CNTNAP2: variants seen among roughly 807,000 people sequenced by gnomAD.
The protein encoded by CNTNAP2 is contactin-associated protein-like 2.
CNTNAP2 carries 98 observed loss-of-function variants against 155.2 expected under a neutral mutation model. The ratio of observed to expected loss-of-function variants is 0.63; its 90% confidence interval spans 0.54 to 0.75. CNTNAP2 has a LOEUF of 0.75. CNTNAP2 is among the 30% of genes least tolerant of loss of function. CNTNAP2 has a pLI of 0.00. For missense variants in CNTNAP2, 1,727 were observed against 1,688.1 expected (o/e 1.02, Z -0.40); for synonymous variants, 651 against 631.2 (o/e 1.03, Z -0.47).
At chr7:148,106,771 T>C (rs1804232885) in intron 15 of CNTNAP2, among the ~76,000 whole-genome samples, 1 of 152,168 alleles carries the variant, frequency 6.6e-6, no homozygotes. Context: ...CTTTGTTTCT[T>C]GCTAAATCTT....
chr7:147,682,552 C>G (rs1380487713), intron 13 of CNTNAP2, among the ~76,000 whole-genome samples: 1 of 151,880 alleles, frequency 6.6e-6, no homozygotes, highest in African/African-American at 2.4e-5. Context: ...AAGCTATCAG[C>G]CACACCAAGT....
chr7:147,005,378 G>A (rs1287362800), intron 3 of CNTNAP2, among the ~76,000 whole-genome samples: 2 of 151,904 alleles, frequency 1.3e-5, no homozygotes, highest in Admixed American at 6.6e-5. Flanking sequence ...CAAAAGTATT[G>A]TAGAGAAGGA....
chr7:147,268,641 C>CTAGAACTGACAGCATTA (rs778967645), intron 8 of CNTNAP2, among the ~76,000 whole-genome samples: 171 of 152,094 alleles, frequency 1.1e-3, no homozygotes, highest in Non-Finnish European at 2.1e-3. Context: ...CACATGTATC[C>CTAGAACTGACAGCATTA]TAGAACTGAC....
At chr7:146,235,952 A>ATGTG (rs34046295) in intron 1 of CNTNAP2, among the ~76,000 whole-genome samples, 9,057 of 149,454 alleles carry the variant, frequency 0.061, 317 homozygotes, top group African/African-American at 0.073. Flanking sequence ...ACATATGGAA[A>ATGTG]TGTGTGTGTG....
Position 146,538,882 on chromosome 7 carries a change from T to C in CNTNAP2, c.98-235389T>C, listed in dbSNP as rs1406931344. On this transcript the variant is annotated intron_variant, in intron 1 of 23. Coordinates refer to ENST00000361727, the MANE Select transcript of CNTNAP2 (RefSeq NM_014141.6). The stretch of plus-strand genomic sequence containing the variant: ...ATTATAAAATGTAGAAAATCTAAGT[T>C]ATCAAAAGTCTGATCAGTTGTACAA... 7.2e-5 allele frequency among the ~76,000 whole-genome samples: 11 copies of C among 152,246 alleles called. No individual in the cohort carries two copies. In the East Asian group the frequency reaches 1.5e-3, roughly 21 times the overall value.
At chr7:147,463,866 C>T (rs12703913) in intron 10 of CNTNAP2, among the ~76,000 whole-genome samples, 118,260 of 150,850 alleles carry the variant, frequency 0.78, 46,601 homozygotes, top group African/African-American at 0.88. Context: ...GGATCAGCTA[C>T]AAAAGTAATG....
chr7:146,757,868 A>G (rs1204054395), intron 1 of CNTNAP2, among the ~76,000 whole-genome samples: 2 of 152,106 alleles, frequency 1.3e-5, no homozygotes, highest in African/African-American at 2.4e-5. Context: ...TGGCTATATG[A>G]ACTTCAGCAA....
intron 21 of CNTNAP2, among the ~76,000 whole-genome samples, chr7:148,271,209 C>A (rs12539824): frequency 0.36 from 54,137 of 152,070 alleles, 11,371 homozygotes; most frequent in East Asian, 0.6. Context: ...TTGTTACCCT[C>A]GTTGTATAGA....
At chr7:147,719,826 T>C (rs796475580) in intron 13 of CNTNAP2, among the ~76,000 whole-genome samples, 1 of 152,266 alleles carries the variant, frequency 6.6e-6, no homozygotes, top group South Asian at 2.1e-4. Context: ...TCCTCTGTAA[T>C]TGAAGCATCC....
chr7:147,072,853 T>C (rs1799922201), intron 4 of CNTNAP2, among the ~76,000 whole-genome samples: 2 of 25,242 alleles, frequency 7.9e-5, no homozygotes, highest in Non-Finnish European at 1.5e-4. Flanking sequence ...TTATTCTTTT[T>C]TTTTTTTTTT....
intron 15 of CNTNAP2, among the ~76,000 whole-genome samples, chr7:148,011,249 T>C (rs1368916582): frequency 6.6e-6 from 1 of 151,824 alleles, no homozygotes; most frequent in Non-Finnish European, 1.5e-5. Flanking sequence ...TTATGTCCAT[T>C]TATTTTTATC....
At chr7:148,374,545 G>C (rs768266915) in intron 21 of CNTNAP2, among the ~76,000 whole-genome samples, 1 of 152,130 alleles carries the variant, frequency 6.6e-6, no homozygotes, top group Non-Finnish European at 1.5e-5. Flanking sequence ...CTTGAAAACT[G>C]AAGCTCATTT....
intron 1 of CNTNAP2, among the ~76,000 whole-genome samples, chr7:146,740,888 A>G (rs1461467976): frequency 1.3e-5 from 2 of 152,160 alleles, no homozygotes; most frequent in Non-Finnish European, 2.9e-5. Flanking sequence ...CCAGAGATAA[A>G]TTTCACTAAG....
rs751779508 is a variant in CNTNAP2, at chr7:147,121,833, A to T, written c.939+670A>T. 2.0e-5 allele frequency: 3 copies of T among 152,408 alleles called. 1 individual carries two copies. In the South Asian group the frequency reaches 6.2e-4, roughly 32 times the overall value. 9.4% of individuals were successfully genotyped at this position (152,408 alleles called of 1,614,324 possible). On this transcript the variant is annotated intron_variant, in intron 6 of 23. Transcript: ENST00000361727. ...TTTAAATTATTTGGAGAGCAATTCA[A>T]CCTTAAAATATCCATTAAAACTGTT... is the stretch of plus-strand genomic sequence containing the variant.
chr7:146,990,160 C>T (rs1584769435), intron 3 of CNTNAP2, among the ~76,000 whole-genome samples: 2 of 152,104 alleles, frequency 1.3e-5, no homozygotes, highest in East Asian at 1.9e-4. Context: ...CTTCTGTGGA[C>T]TTGTTCTTAT....
chr7:147,896,467 T>C (rs1799778295), intron 13 of CNTNAP2, among the ~76,000 whole-genome samples: 1 of 152,022 alleles, frequency 6.6e-6, no homozygotes, highest in Non-Finnish European at 1.5e-5. Context: ...CTCAAATCAG[T>C]CTCCCCAAGC....
chr7:146,862,950 C>A (rs893149811), intron 3 of CNTNAP2, among the ~76,000 whole-genome samples: 1 of 152,130 alleles, frequency 6.6e-6, no homozygotes, highest in African/African-American at 2.4e-5. Context: ...CTTGAGTCAA[C>A]CTTCATGCAT....
chr7:146,824,749 A>G (rs985485977), intron 2 of CNTNAP2, among the ~76,000 whole-genome samples: 10 of 152,120 alleles, frequency 6.6e-5, no homozygotes, highest in African/African-American at 7.2e-5. Context: ...AGGAAATGCA[A>G]TTCTATTTTG....
chr7:147,743,698 T>TC (rs1796993239), intron 13 of CNTNAP2, among the ~76,000 whole-genome samples: 1 of 650 alleles, frequency 1.5e-3, no homozygotes, highest in Admixed American at 0.17. Flanking sequence ...TTTTTGTGAC[T>TC]TTTTTTTTCC....
Sources: gnomAD v4.1 joint callset for allele counts (sites outside exome capture counted in the v4.1 genomes callset) on GRCh38, gnomAD v4.1.1 for gene constraint, MANE v1.5 for transcripts, NCBI Gene and HGNC (gene_info 2026-07-23, HGNC 2026-07-21) for gene names.